Variants in APOL1 observed in about 807,000 individuals in gnomAD.
APOL1 encodes the protein apolipoprotein L 1.
Under a neutral mutation model 14.9 loss-of-function variants are expected in APOL1, and 17 were observed. The observed-to-expected ratio is 1.14, with a 90% CI of 0.78 to 1.71. APOL1 has a LOEUF of 1.71. Ranked by LOEUF, APOL1 falls within the 40% of genes most tolerant of loss-of-function variation. APOL1 has a pLI of 0.00. For synonymous variants in APOL1, 195 were observed against 184.8 expected, an observed-to-expected ratio of 1.05 and a Z score of -0.45; for missense variants, 523 against 485.9, an observed-to-expected ratio of 1.08 and a Z score of -0.72.
In APOL1 at chr22:36,265,292, G is replaced by A. The variant is rs1012252761; in HGVS notation, c.456G>A (p.Glu152=). ...TTCCTCGGTTGAAAAGTGAGCTTGA[G>A]GATAACATAAGAAGGCTCCGTGCCC... ...KEFPRLKSEL[E]DNIRRLRALA... is the part of the protein sequence containing the mutation. The change falls in exon 6 of 6, where the codon GAG becomes GAA. Residue 152 remains glutamate (E), a synonymous_variant. Coordinates refer to ENST00000397278, the MANE Select transcript of APOL1 (RefSeq NM_003661.4). 1.2e-6 allele frequency: 2 copies of A among 1,613,742 alleles called. No homozygotes were observed. Among genetic ancestry groups the A allele is most frequent in the Non-Finnish European group, 1.7e-6 (2 of 1,179,930 alleles).
At chr22:36,257,919 C>T (rs2015945043) in intron 4 of APOL1, among the ~76,000 whole-genome samples, 2 of 152,202 alleles carry the variant, frequency 1.3e-5, no homozygotes, top group African/African-American at 4.8e-5. Flanking sequence ...CAGCTTCCAG[C>T]TTAACTGGAC....
At chr22:36,259,536 A>T (rs1438348120) in intron 4 of APOL1, 5 of 1,181,460 alleles carry the variant, frequency 4.2e-6, no homozygotes, top group Non-Finnish European at 5.4e-6. Context: ...GTCCTGTCCA[A>T]GACGAGGGGA....
At position 36,265,609 on chromosome 22, in the gene APOL1, T is replaced by G; in HGVS notation, c.773T>G (p.Leu258Trp). ...AAATTGAAGGAGGTGAGGGAGTTTTTGGGTGAGAACATATCCAACTTTCTT... is the reference window on the plus strand; with the variant it reads ...AAATTGAAGGAGGTGAGGGAGTTTTGGGGTGAGAACATATCCAACTTTCTT... ...LDKLKEVREF[L>W]GENISNFLSL... Residue 258 changes from leucine (L) to tryptophan (W), a missense_variant, in exon 6 of 6, where the codon TTG becomes TGG. Leu to Trp is a moderately conservative substitution (Grantham distance 61). Coordinates refer to ENST00000397278, the MANE Select transcript of APOL1 (RefSeq NM_003661.4). 1.3e-6 allele frequency: 2 copies of G among 1,596,788 alleles called. No homozygotes were observed. The highest frequency in any genetic ancestry group is 1.7e-6 in the Non-Finnish European group (2 of 1,171,792).
intron 4 of APOL1, 28 bp downstream of exon 4, chr22:36,257,435 T>C (rs1157472811): frequency 5.0e-6 from 8 of 1,597,448 alleles, no homozygotes; most frequent in African/African-American, 1.3e-5. Context: ...TCCCTGCTGG[T>C]TCCTACTCGC....
chr22:36,256,685 A>G (rs144105331), intron 2 of APOL1, among the ~76,000 whole-genome samples: 139 of 152,366 alleles, frequency 9.1e-4, no homozygotes, highest in African/African-American at 3.2e-3. Context: ...GTCATTTACC[A>G]TGAGCGTGTA....
chr22:36,263,999 A>T (rs2016153834), intron 5 of APOL1, among the ~76,000 whole-genome samples: 1 of 152,204 alleles, frequency 6.6e-6, no homozygotes, highest in Non-Finnish European at 1.5e-5. Flanking sequence ...GACCCTCCCT[A>T]AACTGACTTG....
chr22:36,253,294 A>G, intron 1 of APOL1, 75 bp downstream of exon 1: 1 of 311,238 alleles, frequency 3.2e-6, no homozygotes, highest in South Asian at 2.7e-5. Flanking sequence ...AGGTTAGGTG[A>G]CTGGTTCAGA....
Position 36,257,123 on chromosome 22 carries a change from G to C in APOL1, c.85G>C (p.Glu29Gln). ...LFLGVGVRAEEAGARVQQNVP... is the reference protein window; with the variant it reads ...LFLGVGVRAEQAGARVQQNVP... ...CCTTGGTGTGGGAGTGAGGGCAGAG[G>C]AAGCTGGAGCGAGGTGAGTGTCTGC... Residue 29 changes from glutamate (E) to glutamine (Q), a missense_variant, in exon 3 of 6, where the codon GAA (glutamate) becomes CAA (glutamine). By Grantham distance (29) the Glu-to-Gln change is conservative. Coordinates refer to ENST00000397278, the MANE Select transcript of APOL1 (RefSeq NM_003661.4). 1 of 1,614,192 alleles carries C rather than the reference G, an allele frequency of 6.2e-7. No individual in the cohort carries two copies. Among genetic ancestry groups the C allele is most frequent in the Non-Finnish European group, 8.5e-7 (1 of 1,180,028 alleles).
chr22:36,259,940 A>G (rs1204711306), intron 4 of APOL1: 8 of 1,260,152 alleles, frequency 6.3e-6, no homozygotes, highest in Non-Finnish European at 8.3e-6. Context: ...GGGAGAATGC[A>G]GAGACCACAG....
At chr22:36,259,847 C>A (rs991065734) in intron 4 of APOL1, 26 of 1,304,126 alleles carry the variant, frequency 2.0e-5, no homozygotes, top group Non-Finnish European at 2.3e-5. Flanking sequence ...GGAGGAATCT[C>A]CTTTGCATGG....
In APOL1 at chr22:36,257,411, G is replaced by A. The variant is rs751050753; in HGVS notation, c.187+4G>A. On this transcript the variant is annotated splice_donor_region_variant and intron_variant, in intron 4 of 5. Transcript: ENST00000397278. ...GCTGCTGGCACCATGGACCCAGGTAGGCTCACCTCCTCTTCCCTGCTGGTT... is the reference window on the plus strand; with the variant it reads ...GCTGCTGGCACCATGGACCCAGGTAAGCTCACCTCCTCTTCCCTGCTGGTT... 2 of 1,613,104 alleles carry A rather than the reference G, an allele frequency of 1.2e-6. No individual in the cohort carries two copies. Among genetic ancestry groups the A allele is most frequent in the Admixed American group, 1.7e-5 (1 of 60,028 alleles).
In APOL1 at chr22:36,265,869, C is replaced by G. The variant is rs747993695; in HGVS notation, c.1033C>G (p.Leu345Val). Residue 345 changes from leucine (L) to valine (V), a missense_variant, in exon 6 of 6, where the codon CTT becomes GTT. Leu to Val is a conservative substitution (Grantham distance 32, BLOSUM62 1). Coordinates refer to ENST00000397278, the MANE Select transcript of APOL1 (RefSeq NM_003661.4). ...GGATGTGGCCCCTGTAAGCTTCTTT[C>G]TTGTGCTGGATGTAGTCTACCTCGT... ...LTDVAPVSFF[L>V]VLDVVYLVYE... 1.1e-5 allele frequency: 18 copies of G among 1,614,044 alleles called. No individual in the cohort carries two copies. The African/African-American group carries it at 2.4e-4, about 22-fold the overall frequency.
At chr22:36,261,575 T>C in intron 4 of APOL1, 21 bp from the exon 5 acceptor site, 7 of 1,609,204 alleles carry the variant, frequency 4.3e-6, no homozygotes, top group Non-Finnish European at 6.0e-6. Flanking sequence ...TCCAACCTTA[T>C]CCTTTCTTCT....
intron 5 of APOL1, among the ~76,000 whole-genome samples, chr22:36,263,923 C>T (rs893853600): frequency 6.6e-6 from 1 of 152,098 alleles, no homozygotes. Flanking sequence ...CAGACACTCA[C>T]CCATCAATGG....
chr22:36,257,882 C>T (rs1274779965), intron 4 of APOL1, among the ~76,000 whole-genome samples: 2 of 152,166 alleles, frequency 1.3e-5, no homozygotes, highest in Non-Finnish European at 2.9e-5. Flanking sequence ...CTCTGAGTGG[C>T]CCTGTGGGAA....
Position 36,265,944 on chromosome 22 carries a change from G to T in APOL1, c.1108G>T (p.Glu370Ter), listed in dbSNP as rs746706443. 6.2e-6 allele frequency: 10 copies of T among 1,614,070 alleles called. No homozygotes were observed. In the East Asian group the frequency reaches 2.2e-4, roughly 36 times the overall value. ...HEGAKSETAE[E>*]LKKVAQELEE... ...GGGGGCAAAGTCAGAGACAGCTGAGGAGCTGAAGAAGGTGGCTCAGGAGCT... is the reference window on the plus strand; with the variant it reads ...GGGGGCAAAGTCAGAGACAGCTGAGTAGCTGAAGAAGGTGGCTCAGGAGCT... The change falls in exon 6 of 6, where the codon GAG becomes TAG. Residue 370 changes from glutamate (E) to a stop codon, truncating the protein, a stop_gained. Transcript: ENST00000397278. LOFTEE classifies it low-confidence loss of function (END_TRUNC).
intron 4 of APOL1, among the ~76,000 whole-genome samples, chr22:36,260,724 G>A (rs1335027030): frequency 2.0e-5 from 3 of 152,160 alleles, no homozygotes; most frequent in East Asian, 1.9e-4. Flanking sequence ...TATGCACCCC[G>A]TGTCCTTTCT....
At chr22:36,254,812 TA>T in intron 1 of APOL1, 124 bp from the exon 2 acceptor site, 1 of 1,250,122 alleles carries the variant, frequency 8.0e-7, no homozygotes, top group Non-Finnish European at 1.1e-6. Context: ...GTAGCGAGCC[TA>T]GATCGCCCCA....
chr22:36,259,677 G>T, intron 4 of APOL1: 3 of 1,297,432 alleles, frequency 2.3e-6, no homozygotes. Flanking sequence ...AGGCCCAGCT[G>T]GGTCCAGAGG....
Sources: allele counts gnomAD v4.1 joint callset (sites outside exome capture counted in the v4.1 genomes callset), GRCh38; gene constraint gnomAD v4.1.1; transcripts MANE v1.5; gene names NCBI Gene and HGNC (gene_info 2026-07-23, HGNC 2026-07-21).